PIP5K1B: variants seen among roughly 807,000 people sequenced by gnomAD.
The protein encoded by PIP5K1B is phosphatidylinositol 4-phosphate 5-kinase type-1 beta.
PIP5K1B carries 42 observed loss-of-function variants against 67.0 expected under a neutral mutation model. That is an observed-to-expected ratio of 0.63 (90% CI 0.49 to 0.81). The LOEUF is 0.81. Among genes scored for constraint, PIP5K1B ranks in the 30% least tolerant of loss-of-function variants. PIP5K1B has a pLI of 0.00. For missense variants in PIP5K1B, 459 were observed against 646.3 expected (o/e 0.71, Z 3.14); for synonymous variants, 214 against 231.4 (o/e 0.92, Z 0.68).
At chr9:68,761,465 T>C (rs1333385634) in intron 2 of PIP5K1B, among the ~76,000 whole-genome samples, 1 of 152,152 alleles carries the variant, frequency 6.6e-6, no homozygotes, top group African/African-American at 2.4e-5. Flanking sequence ...GTAACAAATT[T>C]ATACAGAATT....
chr9:69,003,376 A>G (rs1430563923), intron 15 of PIP5K1B, among the ~76,000 whole-genome samples: 2 of 152,000 alleles, frequency 1.3e-5, no homozygotes, highest in East Asian at 3.9e-4. Flanking sequence ...AAAGAATTTC[A>G]ACTTGAAACC....
chr9:68,952,448 T>A (rs1239816370), intron 14 of PIP5K1B, among the ~76,000 whole-genome samples: 1 of 152,196 alleles, frequency 6.6e-6, no homozygotes, highest in Non-Finnish European at 1.5e-5. Context: ...CTGTATCAGT[T>A]CCGTTGTTTG....
At chr9:68,768,821 C>T (rs1037746837) in intron 2 of PIP5K1B, among the ~76,000 whole-genome samples, 3 of 152,168 alleles carry the variant, frequency 2.0e-5, no homozygotes, top group African/African-American at 7.2e-5. Context: ...CTGTTAAGTG[C>T]AAATGCTCTA....
chr9:68,880,028 A>G (rs1047324841), intron 6 of PIP5K1B, among the ~76,000 whole-genome samples: 2 of 152,170 alleles, frequency 1.3e-5, no homozygotes, highest in Non-Finnish European at 2.9e-5. Context: ...ATTGAATGCT[A>G]TCTGACTTAC....
At chr9:68,866,413 G>A (rs1260396617) in intron 5 of PIP5K1B, among the ~76,000 whole-genome samples, 3 of 151,958 alleles carry the variant, frequency 2.0e-5, no homozygotes, top group African/African-American at 7.3e-5. Flanking sequence ...ACGTGTGTGT[G>A]TGTGTATACA....
chr9:68,773,516 T>C (rs1207261611), intron 2 of PIP5K1B, among the ~76,000 whole-genome samples: 1 of 152,156 alleles, frequency 6.6e-6, no homozygotes, highest in East Asian at 1.9e-4. Context: ...TAGTCCCCCA[T>C]GGAAAAAACT....
At chr9:68,782,582 T>C (rs182485993) in intron 2 of PIP5K1B, 1 of 167,238 alleles carries the variant, frequency 6.0e-6, no homozygotes, top group Admixed American at 6.5e-5. Flanking sequence ...TTTTGTGGAA[T>C]TTTTACAACT....
In PIP5K1B at chr9:68,823,094, A is replaced by T. The variant is rs574674380; in HGVS notation, c.69+411A>T. Among the ~76,000 whole-genome samples the T allele has an allele frequency of 4.6e-5, 7 of 152,306 alleles. No homozygotes were observed. In the South Asian group the frequency reaches 1.4e-3, roughly 32 times the overall value. ...TCTGACACTTTAAAGGGCCTGTGTG[A>T]TTGCATTGAGCCCTCCTAGGCTCAC... On this transcript the variant is annotated intron_variant, in intron 4 of 15. Coordinates refer to ENST00000265382, the MANE Select transcript of PIP5K1B (RefSeq NM_003558.4).
rs763693767 is a variant in PIP5K1B at position 68,759,044 on chromosome 9, G to A, written c.-86+16387G>A. ...CATTCTCAGCTGAAGGGAAACTTAA[G>A]AGAATTCATTGCCAGTAGTAGACCT... On this transcript the variant is annotated intron_variant, in intron 2 of 15. Coordinates refer to ENST00000265382, the MANE Select transcript of PIP5K1B (RefSeq NM_003558.4). Among the ~76,000 whole-genome samples the A allele has an allele frequency of 4.3e-4, 65 of 152,200 alleles. 1 individual carries two copies. The highest frequency in any genetic ancestry group is 2.1e-3 in the Admixed American group (32 of 15,272).
chr9:68,917,900 C>G (rs1826179729), intron 9 of PIP5K1B, 141 bp downstream of exon 9: 1 of 624,870 alleles, frequency 1.6e-6, no homozygotes, highest in Non-Finnish European at 2.8e-6. Flanking sequence ...AAACTGGTCT[C>G]CATTTCTATT....
chr9:68,839,386 G>A (rs772045126), intron 4 of PIP5K1B, among the ~76,000 whole-genome samples: 2 of 152,086 alleles, frequency 1.3e-5, no homozygotes, highest in Non-Finnish European at 2.9e-5. Flanking sequence ...GCCTTGGGAC[G>A]GGGAAAGAGA....
chr9:68,916,648 C>T (rs1158592415), intron 8 of PIP5K1B, among the ~76,000 whole-genome samples: 8 of 152,138 alleles, frequency 5.3e-5, no homozygotes, highest in Admixed American at 2.0e-4. Flanking sequence ...CCGAGGCAGG[C>T]AGATCATGGG....
At chr9:68,972,035 G>T (rs1829397299) in intron 14 of PIP5K1B, among the ~76,000 whole-genome samples, 1 of 152,084 alleles carries the variant, frequency 6.6e-6, no homozygotes. Flanking sequence ...CATTGCTTTT[G>T]GTGTTTTAGT....
chr9:68,757,502 G>T, intron 2 of PIP5K1B, among the ~76,000 whole-genome samples: 1 of 152,092 alleles, frequency 6.6e-6, no homozygotes, highest in East Asian at 1.9e-4. Flanking sequence ...CTTGAAAAAT[G>T]TGAGTTCCTA....
intron 1 of PIP5K1B, among the ~76,000 whole-genome samples, chr9:68,728,141 A>G (rs867874783): frequency 9.8e-5 from 15 of 152,350 alleles, no homozygotes; most frequent in South Asian, 8.3e-4. Context: ...GAGCTGGCAC[A>G]TGAATATTGT....
intron 2 of PIP5K1B, among the ~76,000 whole-genome samples, chr9:68,772,630 G>A (rs1416574296): frequency 6.6e-6 from 1 of 152,128 alleles, no homozygotes; most frequent in East Asian, 1.9e-4. Context: ...GATTCTGCTG[G>A]CAAAGATCTT....
intron 15 of PIP5K1B, among the ~76,000 whole-genome samples, chr9:68,997,053 T>G (rs1316198983): frequency 1.3e-5 from 2 of 152,240 alleles, no homozygotes; most frequent in African/African-American, 2.4e-5. Flanking sequence ...TATTGGAGAT[T>G]AGCGCTCTGA....
At chr9:68,899,487 A>G (rs1564216267) in intron 8 of PIP5K1B, among the ~76,000 whole-genome samples, 1 of 152,194 alleles carries the variant, frequency 6.6e-6, no homozygotes, top group African/African-American at 2.4e-5. Flanking sequence ...AGAAAGGTTT[A>G]GGTAAGAAAC....
intron 1 of PIP5K1B, among the ~76,000 whole-genome samples, chr9:68,739,026 T>C (rs955843542): frequency 5.9e-5 from 9 of 152,234 alleles, no homozygotes; most frequent in Non-Finnish European, 1.2e-4. Flanking sequence ...TTCTTCATTC[T>C]CCGTCAGCCG....
Sources: allele counts gnomAD v4.1 joint callset (sites outside exome capture counted in the v4.1 genomes callset), GRCh38; gene constraint gnomAD v4.1.1; transcripts MANE v1.5; gene names NCBI Gene and HGNC (gene_info 2026-07-23, HGNC 2026-07-21).